TIFAB: variants seen among roughly 807,000 people sequenced by gnomAD.
The protein encoded by TIFAB is TRAF-interacting protein with FHA domain-containing protein B.
For missense variants in TIFAB, 222 were observed against 203.6 expected (o/e 1.09, Z -0.55); for synonymous variants, 116 against 95.2 (o/e 1.22, Z -1.27).
Position 135,446,187 on chromosome 5 carries a change from G to T in TIFAB, c.*3267C>A. On this transcript the variant is annotated 3_prime_UTR_variant, in exon 2 of 2. Transcript: ENST00000537858. Reference sequence around the variant, plus strand: ...CCCGTTTTCTACAAGAAGAAACTGTGGCACGGAGAGATTCAGTTACTTGTC... The same window carrying T: ...CCCGTTTTCTACAAGAAGAAACTGTTGCACGGAGAGATTCAGTTACTTGTC... The T allele has an allele frequency of 1.5e-6, 1 of 670,592 alleles. No homozygotes were observed. The highest frequency in any genetic ancestry group is 2.4e-6 in the Non-Finnish European group (1 of 412,634). 41.5% of individuals were successfully genotyped at this position (670,592 alleles called of 1,614,324 possible).
chr5:135,449,405 T>C lies in TIFAB; in HGVS notation c.*49A>G. The stretch of plus-strand genomic sequence containing the variant: ...TCCAGGTCTTGGCTGGAGAGGGCTG[T>C]CCCAAGTCTGGGAAGGGCCGTGGAG... On this transcript the variant is annotated 3_prime_UTR_variant, in exon 2 of 2. Coordinates refer to ENST00000537858, the MANE Select transcript of TIFAB (RefSeq NM_001099221.2). 3 of 1,598,518 alleles carry C rather than the reference T, an allele frequency of 1.9e-6. No individual in the cohort carries two copies. The highest frequency in any genetic ancestry group is 2.6e-6 in the Non-Finnish European group (3 of 1,172,718).
chr5:135,449,773 C>T lies in TIFAB; in HGVS notation c.167G>A (p.Arg56His), dbSNP rs73296455. The T allele has an allele frequency of 4.2e-3, 6,844 of 1,612,420 alleles. 257 individuals carry two copies. The African/African-American group carries it at 0.08, about 19-fold the overall frequency. ...LQLQLPRLSR[R>H]HLSLEPYLEK... is the part of the protein sequence containing the mutation. ...CAGGTAGGGCTCCAGGGACAGGTGA[C>T]GGCGGGAGAGGCGAGGGAGCTGCAG... Residue 56 changes from arginine (R) to histidine (H), a missense_variant, in exon 2 of 2, where the codon CGT becomes CAT. Transcript: ENST00000537858.
chr5:135,448,330 G>C lies in TIFAB; in HGVS notation c.*1124C>G, dbSNP rs1264686139. 1 of 152,118 alleles carries C rather than the reference G, an allele frequency of 6.6e-6. No homozygotes were observed. Among genetic ancestry groups the C allele is most frequent in the East Asian group, 1.9e-4 (1 of 5,202 alleles). 9.4% of individuals were successfully genotyped at this position (152,118 alleles called of 1,614,324 possible). A position where few individuals can be genotyped will look rare whatever the true frequency, so the allele number is the denominator to read the frequency against. The stretch of plus-strand genomic sequence containing the variant: ...GGTCTGGGATCATGGTGACCATGTA[G>C]ATCCCTCCCTGCATCACACTAGTGA... On this transcript the variant is annotated 3_prime_UTR_variant, in exon 2 of 2. Transcript: ENST00000537858.
chr5:135,446,372 G>T lies in TIFAB; in HGVS notation c.*3082C>A. 6.3e-7 allele frequency: 1 copy of T among 1,595,446 alleles called. No individual in the cohort carries two copies. Among genetic ancestry groups the T allele is most frequent in the Non-Finnish European group, 8.6e-7 (1 of 1,168,296 alleles). On this transcript the variant is annotated 3_prime_UTR_variant, in exon 2 of 2. Transcript: ENST00000537858. ...CTTGCGTGTGTGCACACGCACACAT[G>T]TTCACTCAGGCACGTGGGCTGCCCT...
Position 135,444,891 on chromosome 5 carries a change from T to C in TIFAB, c.*4563A>G, listed in dbSNP as rs1413400043. On this transcript the variant is annotated 3_prime_UTR_variant, in exon 2 of 2. Coordinates refer to ENST00000537858, the MANE Select transcript of TIFAB (RefSeq NM_001099221.2). ...ACCCATCCTATGAAACTCACTCCTT[T>C]GGGTTAAGCATCACGTTCTCAGTCC... 1 of 152,292 alleles carries C rather than the reference T, an allele frequency of 6.6e-6. No individual in the cohort carries two copies. The highest frequency in any genetic ancestry group is 6.5e-5 in the Admixed American group (1 of 15,286). The allele number at this position is 152,292 out of a possible 1,614,324, so 9.4% of individuals were successfully genotyped here. A position where few individuals can be genotyped will look rare whatever the true frequency, so the allele number is the denominator to read the frequency against.
rs905150965 is a variant in TIFAB at position 135,444,767 on chromosome 5, C to T, written c.*4687G>A. ...GACACCGGGAGACCTGGAAACAGCC[C>T]CTTGACAAAGTCTTGCTCTACACGT... On this transcript the variant is annotated 3_prime_UTR_variant, in exon 2 of 2. Coordinates refer to ENST00000537858, the MANE Select transcript of TIFAB (RefSeq NM_001099221.2). 2.0e-5 allele frequency: 3 copies of T among 152,170 alleles called. No homozygotes were observed. The highest frequency in any genetic ancestry group is 4.1e-4 in the South Asian group (2 of 4,824). The allele number at this position is 152,170 out of a possible 1,614,324, so 9.4% of individuals were successfully genotyped here.
At position 135,446,814 on chromosome 5, in the gene TIFAB, A is replaced by G. The variant is rs112992518; in HGVS notation, c.*2640T>C. ...GAGGGCCTCGCAGATGCTTCACTCGAAAGATTGGAGTTGCAGAGTCCCCTG... is the reference window on the plus strand; with the variant it reads ...GAGGGCCTCGCAGATGCTTCACTCGGAAGATTGGAGTTGCAGAGTCCCCTG... On this transcript the variant is annotated 3_prime_UTR_variant, in exon 2 of 2. Coordinates refer to ENST00000537858, the MANE Select transcript of TIFAB (RefSeq NM_001099221.2). The G allele has an allele frequency of 1.3e-3, 2,119 of 1,613,882 alleles. 20 individuals are homozygous for G. In the African/African-American group the frequency reaches 0.024, roughly 18 times the overall value.
chr5:135,446,805 C>T lies in TIFAB; in HGVS notation c.*2649G>A, dbSNP rs768734420. On this transcript the variant is annotated 3_prime_UTR_variant, in exon 2 of 2. Coordinates refer to ENST00000537858, the MANE Select transcript of TIFAB (RefSeq NM_001099221.2). ...TGGGTCCCTGAGGGCCTCGCAGATG[C>T]TTCACTCGAAAGATTGGAGTTGCAG... 6.2e-7 allele frequency: 1 copy of T among 1,613,954 alleles called. No homozygotes were observed. The highest frequency in any genetic ancestry group is 8.5e-7 in the Non-Finnish European group (1 of 1,179,826).
At position 135,449,367 on chromosome 5, in the gene TIFAB, T is replaced by C; in HGVS notation, c.*87A>G. On this transcript the variant is annotated 3_prime_UTR_variant, in exon 2 of 2. Coordinates refer to ENST00000537858, the MANE Select transcript of TIFAB (RefSeq NM_001099221.2). Reference sequence around the variant, plus strand: ...TCTGGGGGTTCCCTCTGGAGCTGTATTTCTGTTCCTCCTCCAGGTCTTGGC... The same window carrying C: ...TCTGGGGGTTCCCTCTGGAGCTGTACTTCTGTTCCTCCTCCAGGTCTTGGC... The C allele has an allele frequency of 6.5e-7, 1 of 1,549,892 alleles. No individual in the cohort carries two copies. The highest frequency in any genetic ancestry group is 8.7e-7 in the Non-Finnish European group (1 of 1,149,770).
chr5:135,446,043 C>T lies in TIFAB; in HGVS notation c.*3411G>A, dbSNP rs115328649. 9.0e-3 allele frequency: 1,967 copies of T among 218,314 alleles called. 17 individuals are homozygous for T. The highest frequency in any genetic ancestry group is 0.019 in the Middle Eastern group (11 of 574). The allele number at this position is 218,314 out of a possible 1,614,324, so 13.5% of individuals were successfully genotyped here. On this transcript the variant is annotated 3_prime_UTR_variant, in exon 2 of 2. Transcript: ENST00000537858. ...ATGTGCCTACATGCATTCAGTTCCT[C>T]CCACCAAACTGGACAGTGATAGCTA...
rs774488650 is a variant in TIFAB at position 135,446,879 on chromosome 5, G to A, written c.*2575C>T. On this transcript the variant is annotated 3_prime_UTR_variant, in exon 2 of 2. Transcript: ENST00000537858. ...TGCCCCCTCTCGCAGGACCCCAGCT[G>A]GCAAGGTTTTGTTCCTCCCTGGAGG... is the stretch of plus-strand genomic sequence containing the variant. The A allele has an allele frequency of 2.0e-5, 32 of 1,613,858 alleles. No homozygotes were observed. The Admixed American group carries it at 5.2e-4, about 26-fold the overall frequency.
chr5:135,447,397 G>T lies in TIFAB; in HGVS notation c.*2057C>A. ...TCTTCCTTAGCTCCGTGTGGATGGT[G>T]AGCCCTCCTCTCTCAGGTCTCATGA... On this transcript the variant is annotated 3_prime_UTR_variant, in exon 2 of 2. Coordinates refer to ENST00000537858, the MANE Select transcript of TIFAB (RefSeq NM_001099221.2). The T allele has an allele frequency of 2.1e-6, 1 of 484,194 alleles. No individual in the cohort carries two copies. Among genetic ancestry groups the T allele is most frequent in the Admixed American group, 3.8e-5 (1 of 26,020 alleles). 30.0% of individuals were successfully genotyped at this position (484,194 alleles called of 1,614,324 possible).
chr5:135,445,172 T>C lies in TIFAB; in HGVS notation c.*4282A>G, dbSNP rs1286382878. On this transcript the variant is annotated 3_prime_UTR_variant, in exon 2 of 2. Coordinates refer to ENST00000537858, the MANE Select transcript of TIFAB (RefSeq NM_001099221.2). ...AGCCTCTGCAGGGGACAGGAAGTGC[T>C]GACTGAGAACTGTCTCTCTGTGACA... 1.3e-5 allele frequency: 2 copies of C among 152,268 alleles called. No individual in the cohort carries two copies. Among genetic ancestry groups the C allele is most frequent in the East Asian group, 3.9e-4 (2 of 5,160 alleles). The allele number at this position is 152,268 out of a possible 1,614,324, so 9.4% of individuals were successfully genotyped here.
chr5:135,450,952 G>A (rs1769353304), intron 1 of TIFAB, among the ~76,000 whole-genome samples: 1 of 152,180 alleles, frequency 6.6e-6, no homozygotes, highest in South Asian at 2.1e-4. Context: ...CAGGACACCT[G>A]GCCAACCTTA....
In TIFAB at chr5:135,449,850, C is replaced by G. The variant is rs989322291; in HGVS notation, c.90G>C (p.Gln30His). 1.4e-5 allele frequency: 23 copies of G among 1,595,490 alleles called. No homozygotes were observed. The highest frequency in any genetic ancestry group is 1.8e-5 in the Non-Finnish European group (21 of 1,168,672). ...SAFANVPPRL[Q>H]HDTSPLLLGR... ...CGAGAAGCAGAGGGCTGGTATCATGCTGCAGCCGTGGTGGGACATTGGCAA... is the reference window on the plus strand; with the variant it reads ...CGAGAAGCAGAGGGCTGGTATCATGGTGCAGCCGTGGTGGGACATTGGCAA... Residue 30 changes from glutamine (Q) to histidine (H), a missense_variant, in exon 2 of 2, where the codon CAG becomes CAC. Coordinates refer to ENST00000537858, the MANE Select transcript of TIFAB (RefSeq NM_001099221.2).
At position 135,448,577 on chromosome 5, in the gene TIFAB, C is replaced by G. The variant is rs936699269; in HGVS notation, c.*877G>C. On this transcript the variant is annotated 3_prime_UTR_variant, in exon 2 of 2. Coordinates refer to ENST00000537858, the MANE Select transcript of TIFAB (RefSeq NM_001099221.2). ...AACCCCCACCCCATCCCCTCATTCC[C>G]TAAAGACCTTGCCCTCAAGTCAACC... 1.3e-5 allele frequency: 2 copies of G among 152,012 alleles called. No individual in the cohort carries two copies. The highest frequency in any genetic ancestry group is 2.4e-5 in the African/African-American group (1 of 41,354). 9.4% of individuals were successfully genotyped at this position (152,012 alleles called of 1,614,324 possible).
chr5:135,449,665 C>A lies in TIFAB; in HGVS notation c.275G>T (p.Arg92Met), dbSNP rs773530832. 2 of 1,614,044 alleles carry A rather than the reference C, an allele frequency of 1.2e-6. No homozygotes were observed. The highest frequency in any genetic ancestry group is 2.7e-5 in the African/African-American group (2 of 74,954). ...GCVWVNGLTL[R>M]YLEQVPLSTV... is the part of the protein sequence containing the mutation. ...GCTCAGGGGGACCTGCTCCAGGTAC[C>A]TCAGCGTCAGCCCATTGACCCACAC... The change falls in exon 2 of 2, where the codon AGG becomes ATG. Residue 92 changes from arginine to methionine, a missense_variant. Arg to Met is a moderately conservative substitution (Grantham distance 91). Transcript: ENST00000537858.
chr5:135,448,762 A>G lies in TIFAB; in HGVS notation c.*692T>C, dbSNP rs1209258597. On this transcript the variant is annotated 3_prime_UTR_variant, in exon 2 of 2. Transcript: ENST00000537858. ...CAGAAATGTGAGTCCCACCTTTCCA[A>G]TTTCCTCTTACACCTCGTCTATATT... 6.6e-6 allele frequency: 1 copy of G among 152,050 alleles called. No individual in the cohort carries two copies. Among genetic ancestry groups the G allele is most frequent in the Non-Finnish European group, 1.5e-5 (1 of 68,090 alleles). The allele number at this position is 152,050 out of a possible 1,614,324, so 9.4% of individuals were successfully genotyped here.
Position 135,446,475 on chromosome 5 carries a change from G to A in TIFAB, c.*2979C>T, listed in dbSNP as rs778933971. 8 of 1,613,908 alleles carry A rather than the reference G, an allele frequency of 5.0e-6. No individual in the cohort carries two copies. Among genetic ancestry groups the A allele is most frequent in the African/African-American group, 1.3e-5 (1 of 74,936 alleles). On this transcript the variant is annotated 3_prime_UTR_variant, in exon 2 of 2. Coordinates refer to ENST00000537858, the MANE Select transcript of TIFAB (RefSeq NM_001099221.2). ...CTGCTCTGGCTGTCTGAGCAGGTGA[G>A]GGATAGTGATATCAAGTGCGAAGAC...
Sources: gnomAD v4.1 joint callset for allele counts (sites outside exome capture counted in the v4.1 genomes callset) on GRCh38, gnomAD v4.1.1 for gene constraint, MANE v1.5 for transcripts, NCBI Gene and HGNC (gene_info 2026-07-23, HGNC 2026-07-21) for gene names.